The following IQANK1 variants were observed in gnomAD, a reference collection of about 807,000 sequenced individuals.
IQANK1 encodes IQ motif and ankyrin repeat domain-containing protein 1.
In IQANK1, 30 loss-of-function variants were observed where a neutral mutation model predicts 22.6. The observed-to-expected ratio is 1.33, with a 90% CI of 0.99 to 1.80. The LOEUF (loss-of-function observed/expected upper bound fraction) is 1.80, where lower values mean the gene tolerates loss of function less well. Ranked by LOEUF, IQANK1 falls within the 40% of genes most tolerant of loss-of-function variation. The probability of loss-of-function intolerance (pLI) is 0.00; values close to 1 mark genes in which losing one functional copy is unlikely to be tolerated. For synonymous variants in IQANK1, 122 were observed against 99.6 expected (o/e 1.23, Z -1.34); for missense variants, 275 against 235.2 (o/e 1.17, Z -1.11).
intron 3 of IQANK1, among the ~76,000 whole-genome samples, chr8:143,763,690 C>T (rs1368832404): frequency 6.6e-6 from 1 of 152,202 alleles, no homozygotes; most frequent in Non-Finnish European, 1.5e-5. Flanking sequence ...TTCCTGAGGC[C>T]TCCCCAGAAG....
In IQANK1 at chr8:143,790,378, C is replaced by A. The variant is rs576331030; in HGVS notation, c.1453C>A (p.Arg485=). Residue 485 remains arginine (R), a synonymous_variant, in exon 14 of 14, where the codon CGA becomes AGA. Transcript: ENST00000527139. ...RYGKPLVFDL[R]EEDLFPVVQR... ...TGGGAAGCCGCTGGTGTTCGACCTGCGAGAGGAAGACCTGTTCCCAGTCGT... is the reference window on the plus strand; with the variant it reads ...TGGGAAGCCGCTGGTGTTCGACCTGAGAGAGGAAGACCTGTTCCCAGTCGT... 1.0e-6 allele frequency: 1 copy of A among 1,003,618 alleles called. No individual in the cohort carries two copies. Among genetic ancestry groups the A allele is most frequent in the Non-Finnish European group, 1.3e-6 (1 of 780,390 alleles). The allele number at this position is 1,003,618 out of a possible 1,614,324, so 62.2% of individuals were successfully genotyped here. A position where few individuals can be genotyped will look rare whatever the true frequency, so the allele number is the denominator to read the frequency against.
chr8:143,748,808 ATATAAATATATAAATATATATT>A (rs1554627600), intron 3 of IQANK1, among the ~76,000 whole-genome samples: 25 of 109,384 alleles, frequency 2.3e-4, no homozygotes, highest in African/African-American at 8.5e-4. Context: ...AATATATATC[ATATAAATATATAAATATATATT>A]TCATATATAA....
intron 3 of IQANK1, among the ~76,000 whole-genome samples, chr8:143,749,640 G>C (rs1226786944): frequency 1.4e-5 from 2 of 143,144 alleles, no homozygotes; most frequent in African/African-American, 2.5e-5. Context: ...CTGTTGCCCA[G>C]GCTGGAGTGC....
In IQANK1 at chr8:143,753,634, A is replaced by C. The variant is rs538433279; in HGVS notation, c.175+13686A>C. Among the ~76,000 whole-genome samples, 8 of 151,966 alleles carry C rather than the reference A, an allele frequency of 5.3e-5. No individual in the cohort carries two copies. The East Asian group carries it at 1.2e-3, about 22-fold the overall frequency. On this transcript the variant is annotated intron_variant, in intron 3 of 13. Coordinates refer to ENST00000527139, the MANE Select transcript of IQANK1 (RefSeq NM_001381874.1). The stretch of plus-strand genomic sequence containing the variant: ...ATACCTGGCTAATTTTTGTATTTTT[A>C]GTAGAGATGGGAGTTTCACCGTGTT...
At chr8:143,779,079 T>C (rs1587491664) in intron 7 of IQANK1, among the ~76,000 whole-genome samples, 2 of 152,202 alleles carry the variant, frequency 1.3e-5, no homozygotes, top group Admixed American at 1.3e-4. Context: ...GAGTCATTTA[T>C]TTATAAACTT....
At chr8:143,772,784 G>A (rs181813032) in intron 7 of IQANK1, among the ~76,000 whole-genome samples, 133 of 152,356 alleles carry the variant, frequency 8.7e-4, no homozygotes, top group Non-Finnish European at 1.6e-3. Context: ...CTTTGGTGTC[G>A]GGTTTTGTGT....
intron 3 of IQANK1, among the ~76,000 whole-genome samples, chr8:143,755,063 C>A (rs1819265832): frequency 6.6e-6 from 1 of 152,176 alleles, no homozygotes; most frequent in African/African-American, 2.4e-5. Context: ...GGCATGAATA[C>A]CAGGAGAAAG....
chr8:143,743,705 G>A lies in IQANK1; in HGVS notation c.175+3757G>A, dbSNP rs531038964. Among the ~76,000 whole-genome samples the A allele has an allele frequency of 4.6e-5, 7 of 152,282 alleles. No homozygotes were observed. The South Asian group carries it at 1.2e-3, about 27-fold the overall frequency. On this transcript the variant is annotated intron_variant, in intron 3 of 13. Coordinates refer to ENST00000527139, the MANE Select transcript of IQANK1 (RefSeq NM_001381874.1). ...AGCCTGCTTCAGAAGTGACTGAAAC[G>A]GCATCTGCCTCACAGTGCATATTTA...
intron 7 of IQANK1, among the ~76,000 whole-genome samples, chr8:143,787,182 GGTCT>G (rs782510747): frequency 5.8e-5 from 1 of 17,138 alleles, no homozygotes; most frequent in African/African-American, 9.2e-5. Context: ...AAGCAGGGTC[GGTCT>G]AAATGTCTAG....
intron 7 of IQANK1, among the ~76,000 whole-genome samples, chr8:143,785,725 ATT>A (rs56864621): frequency 7.1e-4 from 94 of 133,256 alleles, no homozygotes; most frequent in African/African-American, 2.5e-3. Flanking sequence ...ATGCCCAGCT[ATT>A]TTTTTTTTTT....
intron 7 of IQANK1, among the ~76,000 whole-genome samples, chr8:143,780,323 G>A (rs1819773928): frequency 6.6e-6 from 1 of 152,094 alleles, no homozygotes; most frequent in African/African-American, 2.4e-5. Flanking sequence ...GAGATGTTAA[G>A]TCATCTTTTT....
chr8:143,775,233 G>A (rs1554630243), intron 7 of IQANK1, among the ~76,000 whole-genome samples: 1 of 151,922 alleles, frequency 6.6e-6, no homozygotes, highest in African/African-American at 2.4e-5. Flanking sequence ...TCATCATTGG[G>A]GGAGCTTGTT....
chr8:143,780,505 C>G (rs192782568), intron 7 of IQANK1, among the ~76,000 whole-genome samples: 199 of 152,144 alleles, frequency 1.3e-3, no homozygotes, highest in African/African-American at 4.4e-3. Context: ...ATCCTAGTAT[C>G]TGTTGTTTCC....
intron 3 of IQANK1, chr8:143,742,584 G>C (rs782582963): frequency 2.2e-6 from 1 of 455,998 alleles, no homozygotes; most frequent in African/African-American, 2.0e-5. Context: ...GTGATGTGGA[G>C]CTGGGAAACC....
Position 143,771,510 on chromosome 8 carries a change from C to G in IQANK1, c.198C>G (p.Ala66=). The change falls in exon 4 of 14, where the codon GCC becomes GCG. Residue 66 remains alanine (A), a synonymous_variant. Transcript: ENST00000527139. The surrounding 1 kb of genome is among the most constrained non-coding windows in gnomAD (Gnocchi z 6.0). ...CAGGGCCGGCCGAGGACCGAGCGGCCAGAGCGATCCAGGGCGCCTTCCGGC... is the reference window on the plus strand; with the variant it reads ...CAGGGCCGGCCGAGGACCGAGCGGCGAGAGCGATCCAGGGCGCCTTCCGGC... ...APTGPAEDRA[A]RAIQGAFRQL... is the part of the protein sequence containing the mutation. 2.5e-6 allele frequency: 1 copy of G among 398,098 alleles called. No homozygotes were observed. Among genetic ancestry groups the G allele is most frequent in the Non-Finnish European group, 4.4e-6 (1 of 225,758 alleles). The allele number at this position is 398,098 out of a possible 1,614,324, so 24.7% of individuals were successfully genotyped here. A position where few individuals can be genotyped will look rare whatever the true frequency, so the allele number is the denominator to read the frequency against.
intron 3 of IQANK1, among the ~76,000 whole-genome samples, chr8:143,760,731 G>T (rs1819379435): frequency 6.6e-6 from 1 of 152,180 alleles, no homozygotes; most frequent in Admixed American, 6.5e-5. Flanking sequence ...TGGCCAAACA[G>T]CTATTATAAG....
intron 7 of IQANK1, among the ~76,000 whole-genome samples, chr8:143,782,229 T>G (rs1313979920): frequency 1.3e-5 from 2 of 152,200 alleles, no homozygotes; most frequent in Non-Finnish European, 2.9e-5. Flanking sequence ...ACTATGGGGT[T>G]TTCTGGATAT....
intron 1 of IQANK1, among the ~76,000 whole-genome samples, 163 bp downstream of exon 1, chr8:143,734,382 C>CCA (rs1818664016): frequency 6.6e-6 from 1 of 150,842 alleles, no homozygotes; most frequent in Non-Finnish European, 1.5e-5. Context: ...CCAACCCCCA[C>CCA]CACACACACT....
rs1819575321 is a variant in IQANK1, at chr8:143,771,610, CAGA to C, written c.301_303del (p.Lys101del). On this transcript the variant is annotated inframe_deletion, in exon 4 of 14. Transcript: ENST00000527139. The surrounding 1 kb of genome is among the most constrained non-coding windows in gnomAD (Gnocchi z 6.0). ...GTACCTGGAGCAGATGGAGACGCCG[CAGA>C]AGGAGGTGAGGACGGGCAGCCGCAA... 2.5e-6 allele frequency: 1 copy of C among 398,624 alleles called. No individual in the cohort carries two copies. Among genetic ancestry groups the C allele is most frequent in the Admixed American group, 4.4e-5 (1 of 22,682 alleles). The allele number at this position is 398,624 out of a possible 1,614,324, so 24.7% of individuals were successfully genotyped here. A position where few individuals can be genotyped will look rare whatever the true frequency, so the allele number is the denominator to read the frequency against.
Sources: allele counts gnomAD v4.1 joint callset (sites outside exome capture counted in the v4.1 genomes callset), GRCh38; gene constraint gnomAD v4.1.1; non-coding constraint Gnocchi (gnomAD v3.1); transcripts MANE v1.5; gene names NCBI Gene and HGNC (gene_info 2026-07-23, HGNC 2026-07-21).